Variants in UBA2 observed in about 807,000 individuals in gnomAD.
The protein encoded by UBA2 is SUMO-activating enzyme subunit 2.
A neutral mutation model predicts 77.2 loss-of-function variants in UBA2; 11 were observed. That is an observed-to-expected ratio of 0.14 (90% CI 0.09 to 0.24). UBA2 has a LOEUF of 0.24. Ranked by LOEUF, UBA2 falls within the 10% of genes least tolerant of loss-of-function variation. The probability of loss-of-function intolerance (pLI) is 1.00; values close to 1 mark genes in which losing one functional copy is unlikely to be tolerated. For missense variants in UBA2, 487 were observed against 781.7 expected (o/e 0.62, Z 4.50); for synonymous variants, 278 against 276.7 (o/e 1.00, Z -0.05).
rs758934169 is a variant in UBA2, at chr19:34,469,019, T to C, written c.1742-21T>C. On this transcript the variant is annotated intron_variant, in intron 16 of 16. Coordinates refer to ENST00000246548, the MANE Select transcript of UBA2 (RefSeq NM_005499.3). Reference sequence around the variant, plus strand: ...TCCCACGCTTTTACCCATTTTCTTTTTCCCTTTTTTCTGAAATAAGCTCAA... The same window carrying C: ...TCCCACGCTTTTACCCATTTTCTTTCTCCCTTTTTTCTGAAATAAGCTCAA... 40 of 1,581,536 alleles carry C rather than the reference T, an allele frequency of 2.5e-5. No homozygotes were observed. In the South Asian group the frequency reaches 4.6e-4, roughly 18 times the overall value.
intron 6 of UBA2, among the ~76,000 whole-genome samples, chr19:34,443,639 A>G (rs1025418515): frequency 1.2e-4 from 18 of 151,880 alleles, no homozygotes; most frequent in Admixed American, 1.2e-3. Context: ...ACGAGGTTTC[A>G]CCATGTTGGT....
At position 34,428,589 on chromosome 19, in the gene UBA2, C is replaced by G. The variant is rs757698501; in HGVS notation, c.138+19C>G. 2.1e-5 allele frequency: 24 copies of G among 1,167,140 alleles called. No individual in the cohort carries two copies. The highest frequency in any genetic ancestry group is 2.6e-5 in the Non-Finnish European group (24 of 931,944). The allele number at this position is 1,167,140 out of a possible 1,614,324, so 72.3% of individuals were successfully genotyped here. On this transcript the variant is annotated intron_variant, in intron 1 of 16. Transcript: ENST00000246548. Reference sequence around the variant, plus strand: ...CGACCTGGTGAGGGCCGGGCGCGCGCGCGTGAATGGCGGGCTGTGGTGCGG... The same window carrying G: ...CGACCTGGTGAGGGCCGGGCGCGCGGGCGTGAATGGCGGGCTGTGGTGCGG...
In UBA2 at chr19:34,466,988, A is replaced by G; in HGVS notation, c.1715A>G (p.Asp572Gly). 3 of 1,614,164 alleles carry G rather than the reference A, an allele frequency of 1.9e-6. No homozygotes were observed. The highest frequency in any genetic ancestry group is 1.3e-5 in the African/African-American group (1 of 75,058). Reference protein sequence around the residue: ...AAKSITNGSDDGAQPSTSTAQ... With the variant: ...AAKSITNGSDGGAQPSTSTAQ... Reference sequence around the variant, plus strand: ...AAAAGCATAACCAATGGCAGTGATGATGGAGCTCAGCCCTCCACCTCCACA... The same window carrying G: ...AAAAGCATAACCAATGGCAGTGATGGTGGAGCTCAGCCCTCCACCTCCACA... Residue 572 changes from aspartate (D) to glycine (G), a missense_variant, in exon 16 of 17, where the codon GAT (aspartate) becomes GGT (glycine). Around this residue, in one of 9 missense-constraint regions of UBA2, gnomAD observed 300 missense variants for 454.3 expected, o/e 0.66. Coordinates refer to ENST00000246548, the MANE Select transcript of UBA2 (RefSeq NM_005499.3).
At chr19:34,454,135 A>C (rs1236155971) in intron 10 of UBA2, 125 bp from the exon 11 acceptor site, 25 of 875,178 alleles carry the variant, frequency 2.9e-5, no homozygotes, top group Non-Finnish European at 3.9e-5. Flanking sequence ...TCTTTCCCTC[A>C]GCAACCTCTT....
intron 1 of UBA2, chr19:34,428,846 G>C: frequency 9.0e-7 from 1 of 1,116,986 alleles, no homozygotes; most frequent in Non-Finnish European, 1.1e-6. Flanking sequence ...GGCGCTTCGT[G>C]GGCGTGAAGC....
chr19:34,459,817 A>G (rs562095634), intron 13 of UBA2, among the ~76,000 whole-genome samples: 22 of 152,258 alleles, frequency 1.4e-4, no homozygotes, highest in African/African-American at 5.1e-4. Flanking sequence ...TCTTCCAGAA[A>G]CTGGTTAGGC....
chr19:34,428,954 C>T, intron 1 of UBA2: 4 of 987,116 alleles, frequency 4.1e-6, no homozygotes, highest in Non-Finnish European at 4.8e-6. Context: ...TTTTGAGGTC[C>T]CTGTCGTAAC....
intron 1 of UBA2, 124 bp from the exon 2 acceptor site, chr19:34,430,452 G>GT (rs2075240013): frequency 1.8e-6 from 1 of 564,268 alleles, no homozygotes; most frequent in African/African-American, 1.9e-5. Context: ...ATGGCGATTC[G>GT]AAAAACGCTT....
chr19:34,442,061 C>A (rs2075375992), intron 6 of UBA2, among the ~76,000 whole-genome samples: 1 of 151,880 alleles, frequency 6.6e-6, no homozygotes, highest in Non-Finnish European at 1.5e-5. Flanking sequence ...ATAGTGAAAC[C>A]CCATCACTAC....
chr19:34,449,648 A>G (rs1390889733), intron 8 of UBA2, among the ~76,000 whole-genome samples: 7 of 152,232 alleles, frequency 4.6e-5, no homozygotes, highest in Admixed American at 4.6e-4. Context: ...ATCTTTTCAT[A>G]TGATAGTTTC....
At chr19:34,433,291 C>T (rs2075275459) in intron 3 of UBA2, 57 bp from the exon 4 acceptor site, 2 of 1,236,186 alleles carry the variant, frequency 1.6e-6, no homozygotes, top group African/African-American at 3.0e-5. Flanking sequence ...TATTATACTG[C>T]AAAGATCATG....
At chr19:34,457,797 CTTGCTA>C (rs1173588087) in intron 12 of UBA2, among the ~76,000 whole-genome samples, 1 of 152,174 alleles carries the variant, frequency 6.6e-6, no homozygotes, top group African/African-American at 2.4e-5. Context: ...TCTGTTGGAT[CTTGCTA>C]GTGTTTTCTA....
chr19:34,436,374 G>T (rs1273567846), intron 5 of UBA2, among the ~76,000 whole-genome samples: 1 of 151,842 alleles, frequency 6.6e-6, no homozygotes, highest in Admixed American at 6.6e-5. Context: ...ATCTCAGCTC[G>T]CCGCAACCTC....
intron 15 of UBA2, among the ~76,000 whole-genome samples, chr19:34,466,495 A>G (rs2075689788): frequency 6.6e-6 from 1 of 152,250 alleles, no homozygotes; most frequent in South Asian, 2.1e-4. Flanking sequence ...TAAAGAAACA[A>G]AAAACCAAAA....
chr19:34,460,555 G>C lies in UBA2; in HGVS notation c.1487G>C (p.Gly496Ala). 6.2e-7 allele frequency: 1 copy of C among 1,608,574 alleles called. No homozygotes were observed. Among genetic ancestry groups the C allele is most frequent in the Non-Finnish European group, 8.5e-7 (1 of 1,176,742 alleles). Residue 496 changes from glycine (G) to alanine (A), a missense_variant, in exon 14 of 17, where the codon GGA (glycine) becomes GCA (alanine). Around this residue, in one of 9 missense-constraint regions of UBA2, gnomAD observed 300 missense variants for 454.3 expected, o/e 0.66. Transcript: ENST00000246548. ...KGTILISSEE[G>A]ETEANNHKKL... ...ACAATCCTAATATCTTCCGAAGAGG[G>C]AGAGACGGAAGGTATCATACATTGT...
At chr19:34,463,776 C>T (rs1754546044) in intron 14 of UBA2, among the ~76,000 whole-genome samples, 1 of 152,080 alleles carries the variant, frequency 6.6e-6, no homozygotes. Flanking sequence ...CTTCCTCCTC[C>T]TATAAGGACA....
intron 16 of UBA2, among the ~76,000 whole-genome samples, chr19:34,468,346 G>A (rs1315740029): frequency 1.3e-5 from 2 of 152,022 alleles, no homozygotes; most frequent in African/African-American, 2.4e-5. Context: ...AGAAAGGTCC[G>A]TCATCTTCCT....
At chr19:34,462,467 G>A (rs1252726586) in intron 14 of UBA2, among the ~76,000 whole-genome samples, 2 of 152,100 alleles carry the variant, frequency 1.3e-5, no homozygotes, top group East Asian at 1.9e-4. Flanking sequence ...GCTTGGAGGT[G>A]GAAATCTGGG....
chr19:34,433,281 T>C lies in UBA2; in HGVS notation c.294-67T>C, dbSNP rs1273285933. 6.2e-6 allele frequency: 7 copies of C among 1,138,188 alleles called. No homozygotes were observed. In the East Asian group the frequency reaches 1.6e-4, roughly 27 times the overall value. 70.5% of individuals were successfully genotyped at this position (1,138,188 alleles called of 1,614,324 possible). ...TTACTATGTTTTTTTCAGAACTGTT[T>C]ATTATACTGCAAAGATCATGTGGAA... On this transcript the variant is annotated intron_variant, in intron 3 of 16. Transcript: ENST00000246548.
Sources: gnomAD v4.1 joint callset for allele counts (sites outside exome capture counted in the v4.1 genomes callset) on GRCh38, gnomAD v4.1.1 for gene constraint, gnomAD v4.1.1 regional missense constraint, MANE v1.5 for transcripts, NCBI Gene and HGNC (gene_info 2026-07-23, HGNC 2026-07-21) for gene names.